SMIM36: variants seen among roughly 807,000 people sequenced by gnomAD.
SMIM36 encodes the protein small integral membrane protein 36.
Position 55,458,312 on chromosome 17 carries a change from T to C in SMIM36, c.*532-8014A>G, listed in dbSNP as rs144776414. The C allele has an allele frequency of 2.4e-3, 366 of 152,336 alleles. 3 individuals carry two copies. The highest frequency in any genetic ancestry group is 8.5e-3 in the African/African-American group (354 of 41,576). The allele number at this position is 152,336 out of a possible 1,614,324, so 9.4% of individuals were successfully genotyped here. ...GTTTAATTAATATTCCTTCTGACAA[T>C]GCTGGTGTAGCTGTTGGTGACTTCC... On this transcript the variant is annotated intron_variant, in intron 4 of 4. Coordinates refer to ENST00000636752, the Ensembl canonical transcript of SMIM36.
intron 4 of SMIM36, among the ~76,000 whole-genome samples, chr17:55,466,586 T>C (rs1231710666): frequency 6.6e-6 from 1 of 152,240 alleles, no homozygotes; most frequent in East Asian, 1.9e-4. Context: ...AACCTGTAGC[T>C]TGAGTTGTCA....
Position 55,466,282 on chromosome 17 carries a change from A to AC in SMIM36, c.*531+862_*531+863insG, listed in dbSNP as rs1210110245. On this transcript the variant is annotated intron_variant, in intron 4 of 4. Coordinates refer to ENST00000636752, the Ensembl canonical transcript of SMIM36. The stretch of plus-strand genomic sequence containing the variant: ...ACAAGATCAAGACTCCGTCTCAAAA[A>AC]AAAAAAAAAAAAAAAAAAAAGAAAG... Among the ~76,000 whole-genome samples the AC allele has an allele frequency of 5.8e-3, 853 of 146,594 alleles. 2 individuals are homozygous for AC. The highest frequency in any genetic ancestry group is 0.022 in the African/African-American group (815 of 37,560).
At chr17:55,467,978 A>T (rs1323303438) in intron 3 of SMIM36, 2 of 152,016 alleles carry the variant, frequency 1.3e-5, no homozygotes, top group Non-Finnish European at 2.9e-5. Flanking sequence ...CCCACTGAGC[A>T]CCTTGTGACC....
At chr17:55,453,404 C>T (rs965976409) in intron 4 of SMIM36, among the ~76,000 whole-genome samples, 4 of 152,146 alleles carry the variant, frequency 2.6e-5, no homozygotes, top group African/African-American at 4.8e-5. Flanking sequence ...CTTCCTTTCA[C>T]GTTTAAAGGC....
chr17:55,501,547 T>C (rs1909980977), intron 1 of SMIM36, among the ~76,000 whole-genome samples: 1 of 121,472 alleles, frequency 8.2e-6, no homozygotes, highest in African/African-American at 3.2e-5. Flanking sequence ...ATATACAATA[T>C]TATATATATC....
chr17:55,482,059 T>C (rs1355370890), intron 1 of SMIM36, among the ~76,000 whole-genome samples: 1 of 152,182 alleles, frequency 6.6e-6, no homozygotes, highest in East Asian at 1.9e-4. Context: ...ACCCTCTCCA[T>C]TGAGCTGACC....
chr17:55,484,557 G>A (rs16955983), intron 1 of SMIM36, among the ~76,000 whole-genome samples: 4,025 of 152,248 alleles, frequency 0.026, 196 homozygotes, highest in African/African-American at 0.091. Flanking sequence ...CCCAGTACAA[G>A]GATATTTGCA....
the SMIM36 span, among the ~76,000 whole-genome samples, chr17:55,524,096 C>T: frequency 2.0e-5 from 3 of 152,106 alleles, no homozygotes; most frequent in African/African-American, 4.8e-5. Context: ...CTCAAGTAGG[C>T]TCCAGTGTCT....
At chr17:55,495,411 T>G (rs540698155) in intron 1 of SMIM36, among the ~76,000 whole-genome samples, 2 of 152,330 alleles carry the variant, frequency 1.3e-5, no homozygotes, top group East Asian at 3.9e-4. Flanking sequence ...TAACCATAAC[T>G]TATTACACTT....
chr17:55,494,342 G>A (rs1909769772), intron 1 of SMIM36, among the ~76,000 whole-genome samples: 1 of 152,052 alleles, frequency 6.6e-6, no homozygotes, highest in African/African-American at 2.4e-5. Flanking sequence ...ACTCACCAAG[G>A]AACTCTGCAA....
At chr17:55,458,301 C>G (rs1278117544) in intron 4 of SMIM36, 2 of 152,198 alleles carry the variant, frequency 1.3e-5, no homozygotes, top group African/African-American at 4.8e-5. Flanking sequence ...AATTAATATT[C>G]CTTCTGACAA....
chr17:55,449,974 A>T (rs1478764863), exon 5 of SMIM36: 1 of 152,250 alleles, frequency 6.6e-6, no homozygotes, highest in Non-Finnish European at 1.5e-5. Context: ...AGAAACTGTG[A>T]CTATTATTTT....
chr17:55,511,133 C>T (rs987947243), exon 1 of SMIM36: 8 of 398,498 alleles, frequency 2.0e-5, no homozygotes, highest in Admixed American at 1.3e-4. Flanking sequence ...TGGGGCCCAG[C>T]GACACTTGGG....
intron 4 of SMIM36, among the ~76,000 whole-genome samples, chr17:55,452,102 CAAAAAA>C (rs1156887430): frequency 3.3e-4 from 17 of 51,768 alleles, no homozygotes; most frequent in Non-Finnish European, 4.1e-4. Context: ...TCAATCTCTA[CAAAAAA>C]AAAAAAAAAA....
At chr17:55,460,789 C>T (rs570503350) in intron 4 of SMIM36, among the ~76,000 whole-genome samples, 2 of 152,002 alleles carry the variant, frequency 1.3e-5, no homozygotes, top group Non-Finnish European at 2.9e-5. Flanking sequence ...ACCCAGGAGG[C>T]GGAGCTTCCA....
At chr17:55,465,815 C>T (rs1909226375) in intron 4 of SMIM36, among the ~76,000 whole-genome samples, 1 of 152,100 alleles carries the variant, frequency 6.6e-6, no homozygotes, top group South Asian at 2.1e-4. Flanking sequence ...AACCATCTAG[C>T]AGTAGAGCTC....
chr17:55,473,740 G>A (rs1207181348), intron 3 of SMIM36, among the ~76,000 whole-genome samples: 1 of 152,160 alleles, frequency 6.6e-6, no homozygotes, highest in Non-Finnish European at 1.5e-5. Flanking sequence ...CAGTCCATTT[G>A]AACTTTTATA....
At chr17:55,513,546 A>C (rs1439980815), upstream of SMIM36, among the ~76,000 whole-genome samples, 1 of 152,234 alleles carries the variant, frequency 6.6e-6, no homozygotes, top group Non-Finnish European at 1.5e-5. Flanking sequence ...TGCACCAGAC[A>C]GAAGCGAGGC....
chr17:55,501,339 T>TA (rs1909959637), intron 1 of SMIM36, among the ~76,000 whole-genome samples: 1 of 52,750 alleles, frequency 1.9e-5, no homozygotes, highest in Non-Finnish European at 3.8e-5. Flanking sequence ...ATATAATATA[T>TA]TATATATTAT....
Sources: allele counts gnomAD v4.1 joint callset (sites outside exome capture counted in the v4.1 genomes callset), GRCh38; gene constraint gnomAD v4.1.1; transcripts MANE v1.5; gene names NCBI Gene and HGNC (gene_info 2026-07-23, HGNC 2026-07-21).